Variants in EXOC6B observed in about 807,000 individuals in gnomAD.
EXOC6B encodes exocyst complex component 6B.
Under a neutral mutation model 113.5 loss-of-function variants are expected in EXOC6B, and 54 were observed. That is an observed-to-expected ratio of 0.48 (90% CI 0.38 to 0.60). The LOEUF (loss-of-function observed/expected upper bound fraction) is 0.60. Ranked by LOEUF, EXOC6B falls within the 20% of genes least tolerant of loss-of-function variation. EXOC6B has a pLI of 0.00. For missense variants in EXOC6B, 797 were observed against 977.5 expected (o/e 0.82, Z 2.46); for synonymous variants, 357 against 339.0 (o/e 1.05, Z -0.58).
At chr2:72,285,841 C>T (rs1335032721) in intron 20 of EXOC6B, among the ~76,000 whole-genome samples, 3 of 151,998 alleles carry the variant, frequency 2.0e-5, no homozygotes, top group African/African-American at 4.8e-5. Context: ...TTAACAGATA[C>T]CTCACCGAAG....
At chr2:72,532,737 G>C (rs1347611415) in intron 8 of EXOC6B, among the ~76,000 whole-genome samples, 1 of 152,132 alleles carries the variant, frequency 6.6e-6, no homozygotes, top group Non-Finnish European at 1.5e-5. Context: ...GGACCCAGGA[G>C]GCGGAGGTTG....
intron 7 of EXOC6B, among the ~76,000 whole-genome samples, chr2:72,571,322 G>A (rs1166269511): frequency 6.6e-6 from 1 of 152,064 alleles, no homozygotes; most frequent in Non-Finnish European, 1.5e-5. Flanking sequence ...AGCCAAGGCA[G>A]GAGGATCACT....
intron 20 of EXOC6B, among the ~76,000 whole-genome samples, chr2:72,196,682 C>T (rs1679189661): frequency 1.3e-5 from 2 of 152,174 alleles, no homozygotes; most frequent in Admixed American, 6.5e-5. Flanking sequence ...GCCTCCCAAA[C>T]ATTTTGTTAA....
At chr2:72,435,030 C>T (rs1573111625) in intron 18 of EXOC6B, among the ~76,000 whole-genome samples, 2 of 152,220 alleles carry the variant, frequency 1.3e-5, no homozygotes, top group South Asian at 4.2e-4. Context: ...CCTGCTTTTT[C>T]TGTTGGGCAT....
intron 19 of EXOC6B, among the ~76,000 whole-genome samples, chr2:72,375,419 G>T (rs748102013): frequency 1.2e-4 from 18 of 152,004 alleles, no homozygotes; most frequent in African/African-American, 2.4e-4. Flanking sequence ...CATAAAACAA[G>T]TCTCAACAAA....
At chr2:72,679,241 A>G (rs542728752) in intron 6 of EXOC6B, among the ~76,000 whole-genome samples, 1 of 151,986 alleles carries the variant, frequency 6.6e-6, no homozygotes, top group Non-Finnish European at 1.5e-5. Context: ...TAATTTTTGT[A>G]TTTTTTAGTA....
intron 20 of EXOC6B, among the ~76,000 whole-genome samples, chr2:72,188,065 C>T (rs562733274): frequency 1.6e-4 from 24 of 152,106 alleles, no homozygotes; most frequent in Middle Eastern, 3.4e-3. Flanking sequence ...GGTGGAGGAC[C>T]GGGTTCCTGC....
chr2:72,503,905 C>T (rs1489657719), intron 11 of EXOC6B, among the ~76,000 whole-genome samples: 1 of 151,736 alleles, frequency 6.6e-6, no homozygotes, highest in African/African-American at 2.4e-5. Context: ...TGATGAGCAT[C>T]TTTCTTTTTT....
chr2:72,719,994 A>G (rs1372122733), intron 5 of EXOC6B, among the ~76,000 whole-genome samples: 1 of 152,218 alleles, frequency 6.6e-6, no homozygotes, highest in Non-Finnish European at 1.5e-5. Flanking sequence ...ATATCTAACA[A>G]TAACAGCACA....
intron 6 of EXOC6B, among the ~76,000 whole-genome samples, chr2:72,692,493 A>C (rs1258402958): frequency 6.6e-6 from 1 of 151,640 alleles, no homozygotes; most frequent in Admixed American, 6.6e-5. Flanking sequence ...CTGGGACTAC[A>C]GGCGCCCACC....
chr2:72,723,493 G>C (rs560145187), intron 5 of EXOC6B, among the ~76,000 whole-genome samples: 1 of 152,046 alleles, frequency 6.6e-6, no homozygotes, highest in Non-Finnish European at 1.5e-5. Context: ...CACAGTGATG[G>C]TTTCTAAAAT....
At position 72,645,640 on chromosome 2, in the gene EXOC6B, C is replaced by T. The variant is rs187053764; in HGVS notation, c.670-69972G>A. Among the ~76,000 whole-genome samples, 784 of 152,300 alleles carry T rather than the reference C, an allele frequency of 5.1e-3. 9 individuals are homozygous for T. The highest frequency in any genetic ancestry group is 0.018 in the African/African-American group (739 of 41,558). The stretch of plus-strand genomic sequence containing the variant: ...TTACAACTCAGAATTAAGAAACTCA[C>T]TCAAAACCGCACAACTACATGGAAA... On this transcript the variant is annotated intron_variant, in intron 6 of 21. Coordinates refer to ENST00000272427, the MANE Select transcript of EXOC6B (RefSeq NM_015189.3).
At position 72,228,857 on chromosome 2, in the gene EXOC6B, GT is replaced by G. The variant is rs1387315575; in HGVS notation, c.2197-44671del. Among the ~76,000 whole-genome samples, 13 of 152,224 alleles carry G rather than the reference GT, an allele frequency of 8.5e-5. No homozygotes were observed. In the East Asian group the frequency reaches 2.3e-3, roughly 27 times the overall value. On this transcript the variant is annotated intron_variant, in intron 20 of 21. Coordinates refer to ENST00000272427, the MANE Select transcript of EXOC6B (RefSeq NM_015189.3). ...AATCGCCACACTGACTTCCACAATGGTTGAACCAGTTTACAGTCCCACCAAC... is the reference window on the plus strand; with the variant it reads ...AATCGCCACACTGACTTCCACAATGGTGAACCAGTTTACAGTCCCACCAAC...
At chr2:72,351,017 G>T (rs1333586980) in intron 19 of EXOC6B, among the ~76,000 whole-genome samples, 2 of 152,154 alleles carry the variant, frequency 1.3e-5, no homozygotes, top group African/African-American at 4.8e-5. Flanking sequence ...GTCTGGGCAG[G>T]GGATCATGCT....
intron 20 of EXOC6B, among the ~76,000 whole-genome samples, chr2:72,320,983 C>G (rs1311860772): frequency 6.6e-6 from 1 of 152,014 alleles, no homozygotes; most frequent in Non-Finnish European, 1.5e-5. Flanking sequence ...AAAACAGATT[C>G]TCAGCATAAT....
rs533593335 is a variant in EXOC6B at position 72,178,717 on chromosome 2, G to A, written c.*618C>T. 2.6e-5 allele frequency: 4 copies of A among 152,316 alleles called. No homozygotes were observed. Among genetic ancestry groups the A allele is most frequent in the Non-Finnish European group, 5.9e-5 (4 of 68,060 alleles). 9.4% of individuals were successfully genotyped at this position (152,316 alleles called of 1,614,324 possible). ...GAAAAAATTGCAATAAAAGCCTGGG[G>A]TTAGATCAGGCTAAAGAAACCGCCA... is the stretch of plus-strand genomic sequence containing the variant. On this transcript the variant is annotated 3_prime_UTR_variant, in exon 22 of 22. Coordinates refer to ENST00000272427, the MANE Select transcript of EXOC6B (RefSeq NM_015189.3).
In EXOC6B at chr2:72,495,486, G is replaced by A. The variant is rs1444425025; in HGVS notation, c.1497C>T (p.Asn499=). 1 of 1,609,264 alleles carries A rather than the reference G, an allele frequency of 6.2e-7. No homozygotes were observed. The highest frequency in any genetic ancestry group is 2.2e-5 in the East Asian group (1 of 44,672). ...PFSEFVPKVY[N]QIKEFIYACL... The stretch of plus-strand genomic sequence containing the variant: ...AAGCGTAGATAAATTCTTTAATTTG[G>A]TTGTAAACTTTTGGCACAAATTCAG... Residue 499 remains asparagine (N), a synonymous_variant, in exon 15 of 22, where the codon AAC becomes AAT. Transcript: ENST00000272427.
intron 1 of EXOC6B, among the ~76,000 whole-genome samples, chr2:72,767,609 A>C (rs931152450): frequency 1.3e-5 from 2 of 150,752 alleles, no homozygotes; most frequent in African/African-American, 2.4e-5. Context: ...AAGGAGTTTG[A>C]GACCAACCTG....
intron 8 of EXOC6B, among the ~76,000 whole-genome samples, chr2:72,541,763 T>C (rs1443606708): frequency 6.6e-6 from 1 of 152,190 alleles, no homozygotes; most frequent in Non-Finnish European, 1.5e-5. Flanking sequence ...TGTTTCTTTA[T>C]GATTTAGTAA....
Sources: allele counts gnomAD v4.1 joint callset (sites outside exome capture counted in the v4.1 genomes callset), GRCh38; gene constraint gnomAD v4.1.1; transcripts MANE v1.5; gene names NCBI Gene and HGNC (gene_info 2026-07-23, HGNC 2026-07-21).